Variants in CDC42BPB observed in about 807,000 individuals in gnomAD.
The protein encoded by CDC42BPB is serine/threonine-protein kinase MRCK beta.
A neutral mutation model predicts 214.9 loss-of-function variants in CDC42BPB; 37 were observed. That is an observed-to-expected ratio of 0.17 (90% CI 0.13 to 0.23). The LOEUF is 0.23. CDC42BPB is among the 10% of genes least tolerant of loss of function. The probability of loss-of-function intolerance (pLI) is 1.00; values close to 1 mark genes in which losing one functional copy is unlikely to be tolerated. For missense variants in CDC42BPB, 1,694 were observed against 2,227.0 expected, an observed-to-expected ratio of 0.76 and a Z score of 4.82; for synonymous variants, 931 against 884.0, an observed-to-expected ratio of 1.05 and a Z score of -0.94.
intron 1 of CDC42BPB, among the ~76,000 whole-genome samples, chr14:103,054,547 G>C (rs1165448518): frequency 6.6e-6 from 1 of 152,132 alleles, no homozygotes; most frequent in Admixed American, 6.5e-5. Context: ...GAAACAACCA[G>C]GCAATTCCAA....
chr14:102,939,583 C>A, intron 34 of CDC42BPB, 27 bp downstream of exon 34: 1 of 1,543,336 alleles, frequency 6.5e-7, no homozygotes, highest in Non-Finnish European at 9.0e-7. Flanking sequence ...GGGTGCCCTG[C>A]CCGCCCTATC....
intron 3 of CDC42BPB, among the ~76,000 whole-genome samples, chr14:103,006,315 C>G (rs1885816239): frequency 1.3e-5 from 2 of 152,240 alleles, no homozygotes; most frequent in African/African-American, 4.8e-5. Context: ...GCTCAGGAGG[C>G]CGGGGCTGCC....
At chr14:103,005,848 C>T (rs150632302) in intron 3 of CDC42BPB, among the ~76,000 whole-genome samples, 88 of 152,038 alleles carry the variant, frequency 5.8e-4, no homozygotes, top group African/African-American at 2.0e-3. Context: ...GGTGAAACCC[C>T]GTCTCTACTA....
rs528898918 is a variant in CDC42BPB at position 102,970,094 on chromosome 14, G to A, written c.1995+57C>T. On this transcript the variant is annotated intron_variant, in intron 14 of 36. Coordinates refer to ENST00000361246, the MANE Select transcript of CDC42BPB (RefSeq NM_006035.4). ...CACAAGGTGACTTCCATGTGGTGGC[G>A]TCAGCAAAGATAAGCATCCCTCTCA... 146 of 1,373,112 alleles carry A rather than the reference G, an allele frequency of 1.1e-4. 1 individual carries two copies. The highest frequency in any genetic ancestry group is 1.3e-4 in the Non-Finnish European group (127 of 973,632). 85.1% of individuals were successfully genotyped at this position (1,373,112 alleles called of 1,614,324 possible). A position where few individuals can be genotyped will look rare whatever the true frequency, so the allele number is the denominator to read the frequency against.
chr14:102,933,843 G>A lies in CDC42BPB; in HGVS notation c.5005C>T (p.Pro1669Ser), dbSNP rs750844426. The A allele has an allele frequency of 6.6e-7, 1 of 1,521,542 alleles. No homozygotes were observed. Among genetic ancestry groups the A allele is most frequent in the South Asian group, 1.3e-5 (1 of 76,690 alleles). The allele number at this position is 1,521,542 out of a possible 1,614,324, so 94.3% of individuals were successfully genotyped here. ...SDPDQDFDKE[P>S]DSDSTKHSTP... ...GAGTGTTTGGTGGAGTCCGAATCAG[G>A]CTGTGAACAGGAAGAGGGCAGGGTG... Residue 1669 changes from proline (P) to serine (S), a missense_variant and splice_region_variant, in exon 37 of 37, where the codon CCT becomes TCT. Pro to Ser is a moderately conservative substitution (Grantham distance 74). This residue lies in a region of CDC42BPB where 146 missense variants were observed against 134.1 expected (regional missense o/e 1.09). Coordinates refer to ENST00000361246, the MANE Select transcript of CDC42BPB (RefSeq NM_006035.4).
chr14:103,007,868 G>A (rs1360734053), intron 3 of CDC42BPB, among the ~76,000 whole-genome samples: 5 of 152,230 alleles, frequency 3.3e-5, no homozygotes, highest in Admixed American at 3.3e-4. Flanking sequence ...GGGCGGGTGA[G>A]GACAGAAACT....
chr14:102,988,379 T>C (rs1056235096), intron 5 of CDC42BPB, among the ~76,000 whole-genome samples: 1 of 149,564 alleles, frequency 6.7e-6, no homozygotes, highest in Admixed American at 6.6e-5. Context: ...AATACCTGAA[T>C]CTAGAATGAG....
chr14:102,950,291 GA>G (rs1892426390), intron 25 of CDC42BPB, among the ~76,000 whole-genome samples, 174 bp downstream of exon 25: 2 of 152,262 alleles, frequency 1.3e-5, no homozygotes. Context: ...AGGCCATTCA[GA>G]ACAGCGGCTG....
intron 1 of CDC42BPB, among the ~76,000 whole-genome samples, chr14:103,040,002 G>A (rs897547930): frequency 1.3e-5 from 2 of 152,150 alleles, no homozygotes; most frequent in African/African-American, 2.4e-5. Flanking sequence ...AAGAAAGTAA[G>A]TGCAACTCTT....
intron 1 of CDC42BPB, among the ~76,000 whole-genome samples, chr14:103,027,025 T>C (rs1294585812): frequency 6.6e-6 from 1 of 152,230 alleles, no homozygotes; most frequent in Non-Finnish European, 1.5e-5. Context: ...GCAAAGGATC[T>C]GAATCATCAT....
At chr14:102,977,223 C>T (rs571623455) in intron 9 of CDC42BPB, among the ~76,000 whole-genome samples, 261 of 151,454 alleles carry the variant, frequency 1.7e-3, no homozygotes, top group African/African-American at 6.1e-3. Flanking sequence ...CCTGTAGTCC[C>T]AGCTACTCAG....
chr14:102,978,055 G>C lies in CDC42BPB; in HGVS notation c.1220+71C>G, dbSNP rs903543365. 4.2e-5 allele frequency: 51 copies of C among 1,200,864 alleles called. No homozygotes were observed. In the African/African-American group the frequency reaches 5.1e-4, roughly 12 times the overall value. The allele number at this position is 1,200,864 out of a possible 1,614,324, so 74.4% of individuals were successfully genotyped here. On this transcript the variant is annotated intron_variant, in intron 9 of 36. Coordinates refer to ENST00000361246, the MANE Select transcript of CDC42BPB (RefSeq NM_006035.4). ...ACCCACTAGCCCGCCCCCAGGGACA[G>C]ACTGTGGTGTCTGACTGTTCATCTA...
At chr14:102,979,361 G>A (rs1396809030) in intron 8 of CDC42BPB, among the ~76,000 whole-genome samples, 1 of 151,872 alleles carries the variant, frequency 6.6e-6, no homozygotes, top group African/African-American at 2.4e-5. Flanking sequence ...ACAGGCACCC[G>A]CTATCATGCC....
At chr14:103,024,672 T>A (rs554125892) in intron 1 of CDC42BPB, among the ~76,000 whole-genome samples, 27 of 152,248 alleles carry the variant, frequency 1.8e-4, no homozygotes, top group Non-Finnish European at 3.7e-4. Flanking sequence ...CTTTTTATTC[T>A]CTTATACCCT....
chr14:103,004,186 T>A lies in CDC42BPB; in HGVS notation c.352-163A>T, dbSNP rs1895128399. On this transcript the variant is annotated intron_variant, in intron 3 of 36. Transcript: ENST00000361246. This position sits in a 1 kb window ranked among gnomAD's most constrained non-coding sequence, Gnocchi z 5.3. ...CCCCGAGGCTGCTGAGGCTGAGCCA[T>A]CCCTCATCCCTTCCTCTCCCAAGCC... The A allele has an allele frequency of 1.5e-6, 2 of 1,369,330 alleles. No individual in the cohort carries two copies. Among genetic ancestry groups the A allele is most frequent in the Admixed American group, 6.3e-5 (2 of 31,570 alleles). 84.8% of individuals were successfully genotyped at this position (1,369,330 alleles called of 1,614,324 possible).
chr14:102,981,428 T>TGA (rs1399346985), intron 7 of CDC42BPB, among the ~76,000 whole-genome samples: 10 of 152,340 alleles, frequency 6.6e-5, no homozygotes, highest in African/African-American at 2.4e-4. Flanking sequence ...AGGACTGCAC[T>TGA]GTATTTTGAC....
intron 1 of CDC42BPB, among the ~76,000 whole-genome samples, chr14:103,054,076 G>A (rs1888806415): frequency 6.6e-6 from 1 of 151,940 alleles, no homozygotes; most frequent in Non-Finnish European, 1.5e-5. Context: ...GGTTGCTCAG[G>A]CTGGTCTTGT....
rs756727099 is a variant in CDC42BPB at position 102,975,720 on chromosome 14, T to C, written c.1471A>G (p.Asn491Asp). ...SNRDKEIKKL[N>D]EEIERLKNKI... ...TTCTTCAAGCGTTCGATTTCTTCAT[T>C]TAGCTTTTTGATTTCTTTATCTCGG... The change falls in exon 11 of 37, where the codon AAT (asparagine) becomes GAT (aspartate). Residue 491 changes from asparagine to aspartate, a missense_variant. By Grantham distance (23) the Asn-to-Asp change is conservative. Around this residue, in one of 7 missense-constraint regions of CDC42BPB, gnomAD observed 462 missense variants for 513.5 expected, o/e 0.90. Transcript: ENST00000361246. 1 of 1,614,112 alleles carries C rather than the reference T, an allele frequency of 6.2e-7. No homozygotes were observed. The highest frequency in any genetic ancestry group is 8.5e-7 in the Non-Finnish European group (1 of 1,179,938).
At chr14:103,002,804 C>A (rs1157253007) in intron 4 of CDC42BPB, among the ~76,000 whole-genome samples, 1 of 152,146 alleles carries the variant, frequency 6.6e-6, no homozygotes, top group East Asian at 1.9e-4. Context: ...GGACGGGGAC[C>A]CCTGTGGGCC....
Sources: gnomAD v4.1 joint callset for allele counts (sites outside exome capture counted in the v4.1 genomes callset) on GRCh38, gnomAD v4.1.1 for gene constraint, gnomAD v4.1.1 regional missense constraint, Gnocchi (gnomAD v3.1) non-coding constraint, MANE v1.5 for transcripts, NCBI Gene and HGNC (gene_info 2026-07-23, HGNC 2026-07-21) for gene names.